The following EZR variants were observed in gnomAD, a reference collection of about 807,000 sequenced individuals.
EZR encodes ezrin.
EZR carries 40 observed loss-of-function variants against 74.8 expected under a neutral mutation model. That is an observed-to-expected ratio of 0.53 (90% CI 0.42 to 0.70). The LOEUF is 0.70. EZR is among the 30% of genes least tolerant of loss of function. The pLI is 0.00. For synonymous variants in EZR, 341 were observed against 283.3 expected (o/e 1.20, Z -2.05); for missense variants, 678 against 755.8 (o/e 0.90, Z 1.21).
intron 11 of EZR, 43 bp from the exon 12 acceptor site, chr6:158,769,461 T>C (rs1370165023): frequency 6.3e-7 from 1 of 1,576,908 alleles, no homozygotes; most frequent in African/African-American, 1.3e-5. Flanking sequence ...TGATATCCTT[T>C]CAACGGAGTC....
At chr6:158,818,015 G>A (rs567303242) in intron 2 of EZR, 67 bp downstream of exon 2, 8 of 1,535,394 alleles carry the variant, frequency 5.2e-6, no homozygotes, top group African/African-American at 2.7e-5. Flanking sequence ...CCAACACCTC[G>A]AGCAGGTGCC....
At chr6:158,777,255 C>T (rs1791305835) in intron 7 of EZR, among the ~76,000 whole-genome samples, 1 of 152,240 alleles carries the variant, frequency 6.6e-6, no homozygotes, top group African/African-American at 2.4e-5. Context: ...ATGCATTCTG[C>T]TCCTCTGGTT....
At chr6:158,805,998 TCC>T (rs1341839867) in intron 2 of EZR, among the ~76,000 whole-genome samples, 3 of 152,234 alleles carry the variant, frequency 2.0e-5, no homozygotes, top group Non-Finnish European at 4.4e-5. Context: ...AATGACCTGT[TCC>T]CAGTTGGGTC....
intron 7 of EZR, among the ~76,000 whole-genome samples, chr6:158,781,816 T>C (rs1791440877): frequency 6.6e-6 from 1 of 151,686 alleles, no homozygotes; most frequent in African/African-American, 2.4e-5. Flanking sequence ...CAGGCTAGAG[T>C]GCAGTGGCGC....
At chr6:158,787,361 TA>T (rs1329179723) in intron 3 of EZR, among the ~76,000 whole-genome samples, 158 bp from the exon 4 acceptor site, 1 of 152,194 alleles carries the variant, frequency 6.6e-6, no homozygotes, top group Non-Finnish European at 1.5e-5. Flanking sequence ...TGCACTCAAA[TA>T]ACTTGTTACT....
chr6:158,765,903 CAGAG>C lies in EZR; in HGVS notation c.*1007_*1010del, dbSNP rs1014306928. ...TTCCAGCAGCCTGCCAAGGCCATGG[CAGAG>C]AGAGACTGCAAACAAACAAACACAA... On this transcript the variant is annotated 3_prime_UTR_variant, in exon 14 of 14. Transcript: ENST00000367075. 7.7e-6 allele frequency: 1 copy of C among 129,558 alleles called. No homozygotes were observed. The highest frequency in any genetic ancestry group is 1.8e-5 in the Non-Finnish European group (1 of 56,668). 8.0% of individuals were successfully genotyped at this position (129,558 alleles called of 1,614,324 possible). A position where few individuals can be genotyped will look rare whatever the true frequency, so the allele number is the denominator to read the frequency against.
chr6:158,801,676 C>T (rs16889213), intron 2 of EZR, among the ~76,000 whole-genome samples: 4,666 of 152,206 alleles, frequency 0.031, 177 homozygotes, highest in African/African-American at 0.083. Context: ...TAAAATCATC[C>T]AGTGTTGGAA....
intron 7 of EZR, among the ~76,000 whole-genome samples, chr6:158,778,837 A>G (rs984897380): frequency 1.3e-5 from 2 of 152,222 alleles, no homozygotes; most frequent in African/African-American, 4.8e-5. Flanking sequence ...AAAGACCGAA[A>G]CACATATCCA....
intron 7 of EZR, among the ~76,000 whole-genome samples, chr6:158,776,812 T>C (rs999933874): frequency 6.6e-6 from 1 of 152,130 alleles, no homozygotes; most frequent in African/African-American, 2.4e-5. Flanking sequence ...CCAGGTACCT[T>C]GACCCTCCCC....
intron 8 of EZR, among the ~76,000 whole-genome samples, chr6:158,776,089 C>T (rs886256613): frequency 3.7e-4 from 56 of 152,284 alleles, no homozygotes; most frequent in African/African-American, 1.0e-3. Flanking sequence ...CGTCAGGTGC[C>T]GGGGAGAGTC....
intron 2 of EZR, among the ~76,000 whole-genome samples, chr6:158,817,098 A>G (rs1777574017): frequency 6.6e-6 from 1 of 152,186 alleles, no homozygotes; most frequent in Non-Finnish European, 1.5e-5. Context: ...ATCCCCCACA[A>G]AAGGCACACA....
At chr6:158,781,072 C>T (rs1791420830) in intron 7 of EZR, among the ~76,000 whole-genome samples, 1 of 152,076 alleles carries the variant, frequency 6.6e-6, no homozygotes, top group African/African-American at 2.4e-5. Flanking sequence ...TTCAATAGAT[C>T]AGCTTTCTCA....
chr6:158,783,758 T>G, intron 6 of EZR, 92 bp from the exon 7 acceptor site: 106 of 1,302,738 alleles, frequency 8.1e-5, no homozygotes, highest in Middle Eastern at 2.0e-4. Context: ...TTAAGGCGCC[T>G]TGTGTAGGAT....
chr6:158,767,280 C>T lies in EZR; in HGVS notation c.1577G>A (p.Arg526His), dbSNP rs759048083. Reference protein sequence around the residue: ...KRITEAEKNERVQRQLLTLSS... With the variant: ...KRITEAEKNEHVQRQLLTLSS... Reference sequence around the variant, plus strand: ...CCTCACCAGCAGCTGCCGCTGCACACGCTCGTTCTTCTCTGCCTCAGTGAT... The same window carrying T: ...CCTCACCAGCAGCTGCCGCTGCACATGCTCGTTCTTCTCTGCCTCAGTGAT... Residue 526 changes from arginine (R) to histidine (H), a missense_variant, in exon 13 of 14, where the codon CGT becomes CAT. This residue lies in a region of EZR where 342 missense variants were observed against 341.2 expected (regional missense o/e 1.00). Transcript: ENST00000367075. 60 of 1,613,560 alleles carry T rather than the reference C, an allele frequency of 3.7e-5. No individual in the cohort carries two copies. The highest frequency in any genetic ancestry group is 2.9e-4 in the South Asian group (26 of 91,026).
rs2128566018 is a variant in EZR at position 158,770,770 on chromosome 6, C to G, written c.1084G>C (p.Glu362Gln). 1 of 1,614,196 alleles carries G rather than the reference C, an allele frequency of 6.2e-7. No individual in the cohort carries two copies. Among genetic ancestry groups the G allele is most frequent in the Non-Finnish European group, 8.5e-7 (1 of 1,180,038 alleles). ...QDYEEKTKKA[E>Q]RELSEQIQRA... is the part of the protein sequence containing the mutation. ...CAGCCCCAGGGCGCCTGACCTCTCT[C>G]TGCCTTCTTTGTCTTCTCCTCATAG... Residue 362 changes from glutamate (E) to glutamine (Q), a missense_variant, in exon 10 of 14, where the codon GAG becomes CAG. By Grantham distance (29) the Glu-to-Gln change is conservative. This residue lies in a region of EZR where 342 missense variants were observed against 341.2 expected (regional missense o/e 1.00). Coordinates refer to ENST00000367075, the MANE Select transcript of EZR (RefSeq NM_001111077.2).
At chr6:158,808,563 T>C (rs1051894932) in intron 2 of EZR, among the ~76,000 whole-genome samples, 2 of 152,212 alleles carry the variant, frequency 1.3e-5, no homozygotes, top group African/African-American at 2.4e-5. Context: ...TAGAATTTTA[T>C]CAGGTACAAG....
intron 2 of EZR, among the ~76,000 whole-genome samples, chr6:158,793,354 T>G (rs16889194): frequency 6.6e-6 from 1 of 151,882 alleles, no homozygotes; most frequent in Non-Finnish European, 1.5e-5. Flanking sequence ...CAGTTCTGAT[T>G]TGGGGACACA....
intron 2 of EZR, among the ~76,000 whole-genome samples, chr6:158,817,850 G>T (rs1001831962): frequency 1.3e-5 from 2 of 152,012 alleles, no homozygotes; most frequent in Admixed American, 6.6e-5. Context: ...CTGGGGAGGG[G>T]GCTCACAAAG....
At chr6:158,767,211 G>A (rs759112914) in intron 13 of EZR, 50 bp downstream of exon 13, 16 of 1,587,112 alleles carry the variant, frequency 1.0e-5, no homozygotes, top group Non-Finnish European at 1.4e-5. Flanking sequence ...AAGCCTGTCT[G>A]CTCCAAAAGC....
Sources: gnomAD v4.1 joint callset for allele counts (sites outside exome capture counted in the v4.1 genomes callset) on GRCh38, gnomAD v4.1.1 for gene constraint, gnomAD v4.1.1 regional missense constraint, MANE v1.5 for transcripts, NCBI Gene and HGNC (gene_info 2026-07-23, HGNC 2026-07-21) for gene names.